Variants in FLG2 observed in about 807,000 individuals in gnomAD.
FLG2 encodes filaggrin 2.
A neutral mutation model predicts 3.9 loss-of-function variants in FLG2; 7 were observed. The observed-to-expected ratio is 1.79, with a 90% confidence interval of 1.02 to 3.36. FLG2 has a LOEUF of 3.36. FLG2 is among the 30% of genes most tolerant of loss of function. The pLI, the probability that FLG2 is intolerant of heterozygous loss-of-function variation, is 0.00. For synonymous variants in FLG2, 1,031 were observed against 1,056.1 expected (o/e 0.98, Z 0.46); for missense variants, 2,700 against 2,809.4 (o/e 0.96, Z 0.88).
chr1:152,353,740 T>C lies in FLG2; in HGVS notation c.4046A>G (p.Asp1349Gly). The C allele has an allele frequency of 6.2e-7, 1 of 1,614,188 alleles. No homozygotes were observed. The highest frequency in any genetic ancestry group is 8.5e-7 in the Non-Finnish European group (1 of 1,180,030). ...TGAGTGCACTTCACTGTCAGTGGCA[T>C]CACTGTGGCTAAATCTCTGTCTTCC... ...TSGRQRFSHS[D>G]ATDSEVHSGV... The change falls in exon 3 of 3, where the codon GAT (aspartate) becomes GGT (glycine). Residue 1349 changes from aspartate to glycine, a missense_variant. By Grantham distance (94) the Asp-to-Gly change is moderately conservative. Coordinates refer to ENST00000388718, the MANE Select transcript of FLG2 (RefSeq NM_001014342.3).
chr1:152,350,322 G>A lies in FLG2; in HGVS notation c.*288C>T. ...ATTTTGAATGGCCATGAACTGATAT[G>A]GATTGTCCATGGCCAAATCCAAGGT... is the stretch of plus-strand genomic sequence containing the variant. On this transcript the variant is annotated 3_prime_UTR_variant, in exon 3 of 3. Transcript: ENST00000388718. The A allele has an allele frequency of 4.5e-6, 2 of 441,544 alleles. No individual in the cohort carries two copies. Among genetic ancestry groups the A allele is most frequent in the South Asian group, 3.0e-5 (1 of 33,834 alleles). 27.4% of individuals were successfully genotyped at this position (441,544 alleles called of 1,614,324 possible). A position where few individuals can be genotyped will look rare whatever the true frequency, so the allele number is the denominator to read the frequency against.
intron 1 of FLG2, among the ~76,000 whole-genome samples, chr1:152,359,391 C>G (rs1214587083): frequency 6.6e-6 from 1 of 152,168 alleles, no homozygotes; most frequent in Non-Finnish European, 1.5e-5. Context: ...TTAAGGCCTT[C>G]AGCAAATTAA....
Position 152,353,089 on chromosome 1 carries a change from G to T in FLG2, c.4697C>A (p.Ser1566Tyr). ...SGHEQTTQTG[S>Y]RTTGRQRTSH... ...AGTTCTCTGTCTTCCAGTTGTCCTG[G>T]ACCCTGTCTGTGTGGTTTGTTCATG... The change falls in exon 3 of 3, where the codon TCC becomes TAC. Residue 1566 changes from serine to tyrosine, a missense_variant. Ser to Tyr is a moderately radical substitution (Grantham distance 144). Transcript: ENST00000388718. The T allele has an allele frequency of 6.2e-7, 1 of 1,613,534 alleles. No homozygotes were observed. Among genetic ancestry groups the T allele is most frequent in the Non-Finnish European group, 8.5e-7 (1 of 1,179,912 alleles).
At position 152,351,662 on chromosome 1, in the gene FLG2, C is replaced by A. The variant is rs575262399; in HGVS notation, c.6124G>T (p.Val2042Phe). ...GCGTGTCCTGAATGTGTGTGTGAGA[C>A]CCCTGAGTGCCCTTCACTGTCACTG... The part of the protein sequence containing the change: ...EYSDSEGHSG[V>F]SHTHSGHAHG... The change falls in exon 3 of 3, where the codon GTC becomes TTC. Residue 2042 changes from valine (V) to phenylalanine (F), a missense_variant. Transcript: ENST00000388718. 3.7e-6 allele frequency: 6 copies of A among 1,610,978 alleles called. No individual in the cohort carries two copies. The highest frequency in any genetic ancestry group is 1.4e-5 in the African/African-American group (1 of 73,986).
In FLG2 at chr1:152,356,960, G is replaced by A. The variant is rs200529004; in HGVS notation, c.826C>T (p.Arg276Ter). The A allele has an allele frequency of 3.6e-5, 58 of 1,614,018 alleles. No individual in the cohort carries two copies. The highest frequency in any genetic ancestry group is 9.3e-5 in the African/African-American group (7 of 75,002). The change falls in exon 3 of 3, where the codon CGA (arginine) becomes TGA (stop). Residue 276 changes from arginine (R) to a stop codon, truncating the protein, a stop_gained. Transcript: ENST00000388718. LOFTEE classifies it low-confidence loss of function (END_TRUNC). ...SCSGSGDSGRRSHACGYSNSS... is the reference protein window; with the variant it reads ...SCSGSGDSGR ...TTGCTATAACCACATGCATGACTTC[G>A]CCTCCCACTGTCTCCTGAACCTGAA...
At position 152,352,466 on chromosome 1, in the gene FLG2, T is replaced by C. The variant is rs1188257302; in HGVS notation, c.5320A>G (p.Thr1774Ala). Residue 1774 changes from threonine (T) to alanine (A), a missense_variant, in exon 3 of 3, where the codon ACA (threonine) becomes GCA (alanine). Coordinates refer to ENST00000388718, the MANE Select transcript of FLG2 (RefSeq NM_001014342.3). Reference sequence around the variant, plus strand: ...TGGGCATGTCTGGTGGTATCGCCTGTCTGTCCATGTATAGTTCCATGTCTC... The same window carrying C: ...TGGGCATGTCTGGTGGTATCGCCTGCCTGTCCATGTATAGTTCCATGTCTC... Reference protein sequence around the residue: ...HERHGTIHGQTGDTTRHAHSG... With the variant: ...HERHGTIHGQAGDTTRHAHSG... 7 of 1,613,544 alleles carry C rather than the reference T, an allele frequency of 4.3e-6. No individual in the cohort carries two copies. The highest frequency in any genetic ancestry group is 5.9e-6 in the Non-Finnish European group (7 of 1,179,826).
chr1:152,358,944 T>C, intron 1 of FLG2, 38 bp from the exon 2 acceptor site: 2 of 1,523,902 alleles, frequency 1.3e-6, no homozygotes, highest in Non-Finnish European at 1.8e-6. Flanking sequence ...TTATTCATAT[T>C]CTCTCCTTTT....
chr1:152,354,262 G>A lies in FLG2; in HGVS notation c.3524C>T (p.Pro1175Leu). Residue 1175 changes from proline (P) to leucine (L), a missense_variant, in exon 3 of 3, where the codon CCA becomes CTA. Coordinates refer to ENST00000388718, the MANE Select transcript of FLG2 (RefSeq NM_001014342.3). ...GCGQHESGSG[P>L]TTSFGQHVSG... is the part of the protein sequence containing the mutation. ...CACATGCTGTCCAAAACTTGTGGTT[G>A]GACCTGAGCCAGACTCATGTTGGCC... is the stretch of plus-strand genomic sequence containing the variant. 1.2e-6 allele frequency: 2 copies of A among 1,614,016 alleles called. No individual in the cohort carries two copies. Among genetic ancestry groups the A allele is most frequent in the Non-Finnish European group, 1.7e-6 (2 of 1,179,936 alleles).
Position 152,350,412 on chromosome 1 carries a change from G to T in FLG2, c.*198C>A, listed in dbSNP as rs1225604009. On this transcript the variant is annotated 3_prime_UTR_variant, in exon 3 of 3. Coordinates refer to ENST00000388718, the MANE Select transcript of FLG2 (RefSeq NM_001014342.3). ...CTGTGTTATATCCAGGTTGAACATA[G>T]GTGTTGTTTGACTGTTTATGAGTTA... 6 of 670,168 alleles carry T rather than the reference G, an allele frequency of 9.0e-6. No homozygotes were observed. The African/African-American group carries it at 1.1e-4, about 12-fold the overall frequency. The allele number at this position is 670,168 out of a possible 1,614,324, so 41.5% of individuals were successfully genotyped here.
rs745358441 is a variant in FLG2, at chr1:152,357,568, T to C, written c.218A>G (p.Glu73Gly). 47 of 1,613,928 alleles carry C rather than the reference T, an allele frequency of 2.9e-5. No homozygotes were observed. Among genetic ancestry groups the C allele is most frequent in the Non-Finnish European group, 1.3e-5 (15 of 1,180,014 alleles). The stretch of plus-strand genomic sequence containing the variant: ...CAGCTTGAATATCATCAAAAGAAAC[T>C]CAGTAAAGTCCAATCTTCTGTCATG... The part of the protein sequence containing the change: ...RDHDRRLDFT[E>G]FLLMIFKLTM... The change falls in exon 3 of 3, where the codon GAG (glutamate) becomes GGG (glycine). Residue 73 changes from glutamate to glycine, a missense_variant. Glu to Gly is a moderately conservative substitution (Grantham distance 98). Coordinates refer to ENST00000388718, the MANE Select transcript of FLG2 (RefSeq NM_001014342.3).
In FLG2 at chr1:152,350,778, T is replaced by C; in HGVS notation, c.7008A>G (p.Gln2336=). 6.2e-7 allele frequency: 1 copy of C among 1,614,218 alleles called. No homozygotes were observed. The highest frequency in any genetic ancestry group is 8.5e-7 in the Non-Finnish European group (1 of 1,180,040). The change falls in exon 3 of 3, where the codon CAA becomes CAG. Residue 2336 remains glutamine, a synonymous_variant. Transcript: ENST00000388718. ...TCCAAACCTGACTTGATCCATGCCT[T>C]TGCCTTTCACTACTATGTGACTGAA... ...SHFQSHSSER[Q]RHGSSQVWKH...
chr1:152,358,932 T>C, intron 1 of FLG2, 26 bp from the exon 2 acceptor site: 1 of 1,562,150 alleles, frequency 6.4e-7, no homozygotes, highest in Non-Finnish European at 8.6e-7. Flanking sequence ...CAAAGAACCC[T>C]ATTATTCATA....
chr1:152,351,806 GTC>G lies in FLG2; in HGVS notation c.5978_5979del (p.Arg1993ThrfsTer13). 1 of 1,612,592 alleles carries G rather than the reference GTC, an allele frequency of 6.2e-7. No individual in the cohort carries two copies. Among genetic ancestry groups the G allele is most frequent in the Non-Finnish European group, 8.5e-7 (1 of 1,179,886 alleles). The stretch of plus-strand genomic sequence containing the variant: ...GCTGTTTGTCCATGAGTAGTTCCGT[GTC>G]TCTCATGAACTGAGGATCCTGACTC... Reference protein sequence around the residue: ...YPESGSSVHERHGTTHGQTAD... With the variant: ...YPESGSSVHEXHGTTHGQTAD... On this transcript the variant is annotated frameshift_variant, in exon 3 of 3. Transcript: ENST00000388718. LOFTEE classifies it low-confidence loss of function (END_TRUNC).
Position 152,357,207 on chromosome 1 carries a change from G to A in FLG2, c.579C>T (p.Gly193=). The A allele has an allele frequency of 6.2e-7, 1 of 1,614,080 alleles. No homozygotes were observed. Among genetic ancestry groups the A allele is most frequent in the Admixed American group, 1.7e-5 (1 of 60,012 alleles). Residue 193 remains glycine, a synonymous_variant, in exon 3 of 3, where the codon GGC becomes GGT. Transcript: ENST00000388718. ...RSSCGHSWSG[G]KDRHGSSSVE... is the part of the protein sequence containing the mutation. Reference sequence around the variant, plus strand: ...CAGAGCTGGAACCATGTCTGTCTTTGCCACCACTCCATGAATGACCACAGC... The same window carrying A: ...CAGAGCTGGAACCATGTCTGTCTTTACCACCACTCCATGAATGACCACAGC...
rs1237891242 is a variant in FLG2 at position 152,354,569 on chromosome 1, G to C, written c.3217C>G (p.Gln1073Glu). Residue 1073 changes from glutamine (Q) to glutamate (E), a missense_variant, in exon 3 of 3, where the codon CAG becomes GAG. Coordinates refer to ENST00000388718, the MANE Select transcript of FLG2 (RefSeq NM_001014342.3). ...GAACCATGTTGGCCATAGCTAGACT[G>C]ACGTGATCTAGACTCATATTGTCCA... The part of the protein sequence containing the change: ...GFGQYESRSR[Q>E]SSYGQHGSGS... The C allele has an allele frequency of 3.7e-6, 6 of 1,613,676 alleles. No homozygotes were observed. Among genetic ancestry groups the C allele is most frequent in the Admixed American group, 3.3e-5 (2 of 59,974 alleles).
rs74127928 is a variant in FLG2, at chr1:152,352,979, C to T, written c.4807G>A (p.Gly1603Arg). Residue 1603 changes from glycine to arginine, a missense_variant, in exon 3 of 3, where the codon GGA becomes AGA. By Grantham distance (125) the Gly-to-Arg change is moderately radical. Transcript: ENST00000388718. ...HSREHTYGQA[G>R]SQHEEPEFTV... ...AATTCTGGCTCTTCATGTTGAGATC[C>T]GGCTTGGCCGTAAGTGTGTTCTCGT... 1.7e-3 allele frequency: 2,702 copies of T among 1,611,992 alleles called. 42 individuals are homozygous for T. The African/African-American group carries it at 0.032, about 19-fold the overall frequency.
In FLG2 at chr1:152,350,074, G is replaced by C. The variant is rs1246838063; in HGVS notation, c.*536C>G. ...TCCAGACTGACCCTAGGCATCTCTTGATGGCCCATGACTTAATACCTATCT... is the reference window on the plus strand; with the variant it reads ...TCCAGACTGACCCTAGGCATCTCTTCATGGCCCATGACTTAATACCTATCT... On this transcript the variant is annotated 3_prime_UTR_variant, in exon 3 of 3. Coordinates refer to ENST00000388718, the MANE Select transcript of FLG2 (RefSeq NM_001014342.3). 6.3e-6 allele frequency: 1 copy of C among 159,736 alleles called. No individual in the cohort carries two copies. The highest frequency in any genetic ancestry group is 2.4e-5 in the African/African-American group (1 of 41,440). The allele number at this position is 159,736 out of a possible 1,614,324, so 9.9% of individuals were successfully genotyped here. A position where few individuals can be genotyped will look rare whatever the true frequency, so the allele number is the denominator to read the frequency against.
At position 152,352,306 on chromosome 1, in the gene FLG2, CCGTGAGTGTGTCCT is replaced by C. The variant is rs976130212; in HGVS notation, c.5466_5479del (p.Gly1823ProfsTer14). The C allele has an allele frequency of 1.9e-6, 3 of 1,612,848 alleles. No individual in the cohort carries two copies. The highest frequency in any genetic ancestry group is 1.3e-5 in the African/African-American group (1 of 74,444). On this transcript the variant is annotated frameshift_variant, in exon 3 of 3. Transcript: ENST00000388718. LOFTEE classifies it low-confidence loss of function (END_TRUNC). ...CTCTCCATGTTGAGATCCAGCCTGG[CCGTGAGTGTGTCCT>C]CGTGAGTGTGGTCTTTGTGAGAACC...
chr1:152,354,582 C>T lies in FLG2; in HGVS notation c.3204G>A (p.Glu1068=), dbSNP rs756904287. The change falls in exon 3 of 3, where the codon GAG becomes GAA. Residue 1068 remains glutamate, a synonymous_variant. Coordinates refer to ENST00000388718, the MANE Select transcript of FLG2 (RefSeq NM_001014342.3). ...SGQSSGFGQY[E]SRSRQSSYGQ... ...CATAGCTAGACTGACGTGATCTAGACTCATATTGTCCAAAACCAGAGGATT... is the reference window on the plus strand; with the variant it reads ...CATAGCTAGACTGACGTGATCTAGATTCATATTGTCCAAAACCAGAGGATT... 2.5e-6 allele frequency: 4 copies of T among 1,613,496 alleles called. No individual in the cohort carries two copies. Among genetic ancestry groups the T allele is most frequent in the African/African-American group, 1.3e-5 (1 of 74,724 alleles).
Sources: gnomAD v4.1 joint callset for allele counts (sites outside exome capture counted in the v4.1 genomes callset) on GRCh38, gnomAD v4.1.1 for gene constraint, MANE v1.5 for transcripts, NCBI Gene and HGNC (gene_info 2026-07-23, HGNC 2026-07-21) for gene names.